The following DHX40 variants were observed in gnomAD, a reference collection of about 807,000 sequenced individuals.
DHX40 encodes the protein probable ATP-dependent RNA helicase DHX40.
In DHX40, 28 loss-of-function variants were observed where a neutral mutation model predicts 89.6. The ratio of observed to expected loss-of-function variants is 0.31; its 90% CI spans 0.23 to 0.43. DHX40 has a LOEUF of 0.43. Among genes scored for constraint, DHX40 ranks in the 20% least tolerant of loss-of-function variants. DHX40 has a pLI of 1.00. For missense variants in DHX40, 457 were observed against 844.0 expected, an observed-to-expected ratio of 0.54 and a Z score of 5.68; for synonymous variants, 226 against 283.6, an observed-to-expected ratio of 0.80 and a Z score of 2.04.
chr17:59,607,152 A>T lies in DHX40; in HGVS notation c.2320A>T (p.Thr774Ser). ...GCAGAGGACCCAGGACCACAGTGACACACGAAAGGAAACAGGCTAAGGTGG... is the reference window on the plus strand; with the variant it reads ...GCAGAGGACCCAGGACCACAGTGACTCACGAAAGGAAACAGGCTAAGGTGG... Reference protein sequence around the residue: ...KQQRTQDHSDTRKETG With the variant: ...KQQRTQDHSDSRKETG Residue 774 changes from threonine (T) to serine (S), a missense_variant, in exon 18 of 18, where the codon ACA becomes TCA. Around this residue, in one of 9 missense-constraint regions of DHX40, gnomAD observed 120 missense variants for 161.7 expected, o/e 0.74. Coordinates refer to ENST00000251241, the MANE Select transcript of DHX40 (RefSeq NM_024612.5). The T allele has an allele frequency of 2.5e-6, 4 of 1,614,248 alleles. No individual in the cohort carries two copies. Among genetic ancestry groups the T allele is most frequent in the Non-Finnish European group, 3.4e-6 (4 of 1,180,052 alleles).
chr17:59,570,879 G>A (rs2048797667), intron 3 of DHX40, among the ~76,000 whole-genome samples: 1 of 152,090 alleles, frequency 6.6e-6, no homozygotes, highest in Non-Finnish European at 1.5e-5. Flanking sequence ...AGAGTGGAGA[G>A]AGTTCTGAAA....
Position 59,565,792 on chromosome 17 carries a change from C to A in DHX40, c.112+9C>A. ...TTGCATCGCCGATAGAGGTGCGGTCCGCGGGACGGTACGGAAGCCAGCGGG... is the reference window on the plus strand; with the variant it reads ...TTGCATCGCCGATAGAGGTGCGGTCAGCGGGACGGTACGGAAGCCAGCGGG... On this transcript the variant is annotated intron_variant, in intron 1 of 17. Coordinates refer to ENST00000251241, the MANE Select transcript of DHX40 (RefSeq NM_024612.5). The A allele has an allele frequency of 1.3e-6, 2 of 1,593,300 alleles. No homozygotes were observed. The highest frequency in any genetic ancestry group is 1.7e-6 in the Non-Finnish European group (2 of 1,173,458).
At chr17:59,597,929 C>T (rs1279590068) in intron 12 of DHX40, among the ~76,000 whole-genome samples, 18 of 144,546 alleles carry the variant, frequency 1.2e-4, no homozygotes, top group Admixed American at 4.2e-4. Flanking sequence ...AGCGAGACTC[C>T]GTCTCAAAAA....
At position 59,566,795 on chromosome 17, in the gene DHX40, G is replaced by T; in HGVS notation, c.280+1G>T. On this transcript the variant is annotated splice_donor_variant, in intron 2 of 17. Coordinates refer to ENST00000251241, the MANE Select transcript of DHX40 (RefSeq NM_024612.5). LOFTEE classifies it high-confidence loss of function. Reference sequence around the variant, plus strand: ...CTCCCAAAATATCTATATGAAGCAGGTGATTTTTTTCTGTTGTAATAATTG... The same window carrying T: ...CTCCCAAAATATCTATATGAAGCAGTTGATTTTTTTCTGTTGTAATAATTG... 1 of 1,559,900 alleles carries T rather than the reference G, an allele frequency of 6.4e-7. No individual in the cohort carries two copies. Among genetic ancestry groups the T allele is most frequent in the Non-Finnish European group, 8.6e-7 (1 of 1,161,664 alleles).
At chr17:59,585,414 T>A (rs2048979364) in intron 10 of DHX40, among the ~76,000 whole-genome samples, 1 of 147,686 alleles carries the variant, frequency 6.8e-6, no homozygotes, top group Non-Finnish European at 1.5e-5. Flanking sequence ...AAAAAAAAAA[T>A]TAAATTGTAT....
chr17:59,566,464 T>C (rs1056126329), intron 1 of DHX40, among the ~76,000 whole-genome samples, 163 bp from the exon 2 acceptor site: 2 of 152,204 alleles, frequency 1.3e-5, no homozygotes, highest in African/African-American at 4.8e-5. Flanking sequence ...CACTTACAAA[T>C]TGCGCTCATT....
chr17:59,598,063 T>G (rs1208090384), intron 12 of DHX40, among the ~76,000 whole-genome samples: 5 of 152,012 alleles, frequency 3.3e-5, no homozygotes, highest in Non-Finnish European at 7.4e-5. Flanking sequence ...GACAGGATCT[T>G]GCTTTGTTGC....
At chr17:59,586,922 G>A (rs1471761965) in intron 11 of DHX40, among the ~76,000 whole-genome samples, 1 of 152,118 alleles carries the variant, frequency 6.6e-6, no homozygotes, top group Non-Finnish European at 1.5e-5. Context: ...GGGAGGCCAA[G>A]GCGAGCAGAT....
rs528965888 is a variant in DHX40 at position 59,570,221 on chromosome 17, A to G, written c.281-297A>G. On this transcript the variant is annotated intron_variant, in intron 2 of 17. Transcript: ENST00000251241. ...ATATTATAATATATATTATATATTAAATATATATTAGTATATAATATATAT... is the reference window on the plus strand; with the variant it reads ...ATATTATAATATATATTATATATTAGATATATATTAGTATATAATATATAT... 3.0e-3 allele frequency among the ~76,000 whole-genome samples: 350 copies of G among 114,954 alleles called. 1 individual carries two copies. The highest frequency in any genetic ancestry group is 0.015 in the African/African-American group (331 of 22,130). The allele number at this position is 114,954 out of a possible 152,430, so 75.4% of individuals were successfully genotyped here. A position where few individuals can be genotyped will look rare whatever the true frequency, so the allele number is the denominator to read the frequency against.
chr17:59,581,751 C>T (rs1282765122), intron 10 of DHX40, among the ~76,000 whole-genome samples: 4 of 91,322 alleles, frequency 4.4e-5, no homozygotes, highest in Non-Finnish European at 7.6e-5. Context: ...AAGAGCGAAA[C>T]TCTGTCTCCA....
intron 10 of DHX40, among the ~76,000 whole-genome samples, chr17:59,581,266 A>G (rs1285120924): frequency 2.8e-5 from 3 of 108,956 alleles, no homozygotes; most frequent in Non-Finnish European, 3.7e-5. Flanking sequence ...GAACAGTTAA[A>G]TTAGCCAAAT....
intron 2 of DHX40, 107 bp from the exon 3 acceptor site, chr17:59,570,411 T>C (rs2048789742): frequency 1.8e-6 from 2 of 1,098,612 alleles, no homozygotes; most frequent in East Asian, 5.7e-5. Context: ...GAGATATTCT[T>C]TTGGAAACAT....
At position 59,605,557 on chromosome 17, in the gene DHX40, T is replaced by G; in HGVS notation, c.2083T>G (p.Leu695Val). 3 of 1,614,132 alleles carry G rather than the reference T, an allele frequency of 1.9e-6. No individual in the cohort carries two copies. The highest frequency in any genetic ancestry group is 2.5e-6 in the Non-Finnish European group (3 of 1,180,006). Residue 695 changes from leucine (L) to valine (V), a missense_variant, in exon 17 of 18, where the codon TTG becomes GTG. This residue lies in a region of DHX40 where 120 missense variants were observed against 161.7 expected (regional missense o/e 0.74). Transcript: ENST00000251241. Reference protein sequence around the residue: ...CPIRYEWVRDLLPKLHEFNAH... With the variant: ...CPIRYEWVRDVLPKLHEFNAH... ...AATCCGTTATGAATGGGTAAGAGAC[T>G]TGTTACCCAAGTTGCATGAATTTAA...
Position 59,605,608 on chromosome 17 carries a change from C to G in DHX40, c.2134C>G (p.Arg712Gly), listed in dbSNP as rs2030795962. The G allele has an allele frequency of 1.9e-6, 3 of 1,613,836 alleles. No homozygotes were observed. Among genetic ancestry groups the G allele is most frequent in the Non-Finnish European group, 2.5e-6 (3 of 1,179,984 alleles). The stretch of plus-strand genomic sequence containing the variant: ...TGCACATGATTTGAGCAGTGTGGCC[C>G]GACGTGAAGTGAGAGAAGATGCAAG... Reference protein sequence around the residue: ...FNAHDLSSVARREVREDARRR... With the variant: ...FNAHDLSSVAGREVREDARRR... Residue 712 changes from arginine to glycine, a missense_variant, in exon 17 of 18, where the codon CGA becomes GGA. By Grantham distance (125) the Arg-to-Gly change is moderately radical (BLOSUM62 -2). Coordinates refer to ENST00000251241, the MANE Select transcript of DHX40 (RefSeq NM_024612.5).
In DHX40 at chr17:59,586,145, A is replaced by T. The variant is rs1390729662; in HGVS notation, c.1344-8A>T. 1.3e-6 allele frequency: 2 copies of T among 1,577,842 alleles called. No homozygotes were observed. The highest frequency in any genetic ancestry group is 1.7e-6 in the Non-Finnish European group (2 of 1,158,094). ...GCCTCTCACTTCATATCTCATTTAA[A>T]CACACAGGTTTCCCTATTTGGATCC... On this transcript the variant is annotated splice_region_variant and splice_polypyrimidine_tract_variant and intron_variant, in intron 10 of 17. Transcript: ENST00000251241.
intron 12 of DHX40, among the ~76,000 whole-genome samples, chr17:59,591,902 T>C (rs1256880671): frequency 6.6e-6 from 1 of 151,894 alleles, no homozygotes; most frequent in Non-Finnish European, 1.5e-5. Flanking sequence ...AGAGTCTCAC[T>C]CTGTTGCCCA....
intron 12 of DHX40, among the ~76,000 whole-genome samples, chr17:59,597,850 G>C (rs1221624169): frequency 6.6e-6 from 1 of 151,042 alleles, no homozygotes; most frequent in Non-Finnish European, 1.5e-5. Context: ...CAGGAGAATG[G>C]TGTGAACCCG....
At position 59,570,202 on chromosome 17, in the gene DHX40, TA is replaced by T. The variant is rs1423335196; in HGVS notation, c.281-314del. On this transcript the variant is annotated intron_variant, in intron 2 of 17. Transcript: ENST00000251241. ...AATATATATAATATATAATATATTA[TA>T]ATATATATTATATATTAAATATATA... Among the ~76,000 whole-genome samples the T allele has an allele frequency of 3.2e-5, 4 of 123,508 alleles. No individual in the cohort carries two copies. The East Asian group carries it at 6.1e-4, about 19-fold the overall frequency. The allele number at this position is 123,508 out of a possible 152,430, so 81.0% of individuals were successfully genotyped here.
rs568065163 is a variant in DHX40, at chr17:59,590,740, T to G, written c.1582+2687T>G. 1.3e-3 allele frequency among the ~76,000 whole-genome samples: 191 copies of G among 151,764 alleles called. 5 individuals carry two copies. The highest frequency in any genetic ancestry group is 3.4e-3 in the African/African-American group (143 of 41,504). On this transcript the variant is annotated intron_variant, in intron 12 of 17. Coordinates refer to ENST00000251241, the MANE Select transcript of DHX40 (RefSeq NM_024612.5). The stretch of plus-strand genomic sequence containing the variant: ...CAGCCTTGGCCTCTTAAAATGCTGG[T>G]ATTACAGGCCTGAGCCATTGCACCC...
Sources: allele counts gnomAD v4.1 joint callset (sites outside exome capture counted in the v4.1 genomes callset), GRCh38; gene constraint gnomAD v4.1.1; regional missense constraint gnomAD v4.1.1; transcripts MANE v1.5; gene names NCBI Gene and HGNC (gene_info 2026-07-23, HGNC 2026-07-21).